The following IL16 variants were observed in gnomAD, a reference collection of about 807,000 sequenced individuals.
The protein encoded by IL16 is interleukin 16.
Under a neutral mutation model 110.1 loss-of-function variants are expected in IL16, and 67 were observed. That is an observed-to-expected ratio of 0.61 (90% CI 0.50 to 0.75). IL16 has a LOEUF of 0.75. Among genes scored for constraint, IL16 ranks in the 30% least tolerant of loss-of-function variants. The probability of loss-of-function intolerance (pLI) is 0.00; values close to 1 mark genes in which losing one functional copy is unlikely to be tolerated. For synonymous variants in IL16, 689 were observed against 662.9 expected, an observed-to-expected ratio of 1.04 and a Z score of -0.61; for missense variants, 1,545 against 1,655.0, an observed-to-expected ratio of 0.93 and a Z score of 1.15.
At chr15:81,284,483 G>A (rs1012594669) in intron 9 of IL16, among the ~76,000 whole-genome samples, 3 of 152,190 alleles carry the variant, frequency 2.0e-5, no homozygotes, top group African/African-American at 4.8e-5. Flanking sequence ...TAGTACCCTC[G>A]GACAGAGAGT....
chr15:81,223,616 G>A (rs1896691339), intron 1 of IL16, among the ~76,000 whole-genome samples: 1 of 152,158 alleles, frequency 6.6e-6, no homozygotes, highest in South Asian at 2.1e-4. Flanking sequence ...GATATTGATG[G>A]AGGCTACCAC....
At chr15:81,195,588 G>A (rs1450023263), upstream of IL16, among the ~76,000 whole-genome samples, 1 of 152,152 alleles carries the variant, frequency 6.6e-6, no homozygotes, top group African/African-American at 2.4e-5. Context: ...GGGACCGTGG[G>A]CCTGTGTTCT....
chr15:81,265,570 G>T, intron 3 of IL16, 89 bp from the exon 4 acceptor site: 1 of 1,435,930 alleles, frequency 7.0e-7, no homozygotes, highest in Admixed American at 1.9e-5. Flanking sequence ...ACTGGCCCCT[G>T]GCTAATGAGG....
intron 3 of IL16, among the ~76,000 whole-genome samples, chr15:81,261,410 TC>T (rs779209032): frequency 1.0e-3 from 159 of 152,236 alleles, no homozygotes; most frequent in Middle Eastern, 0.01. Context: ...TTGAGTTCAG[TC>T]AATGACAGGC....
chr15:81,270,162 A>C (rs1898567714), intron 5 of IL16, among the ~76,000 whole-genome samples: 1 of 152,244 alleles, frequency 6.6e-6, no homozygotes, highest in African/African-American at 2.4e-5. Context: ...TACCTCTCTC[A>C]AGATGATGAA....
chr15:81,301,547 T>C (rs745697398), intron 15 of IL16, 35 bp downstream of exon 15: 2 of 1,581,648 alleles, frequency 1.3e-6, no homozygotes, highest in Non-Finnish European at 8.6e-7. Flanking sequence ...CAGTAACCAA[T>C]GGCTTATTAT....
At chr15:81,236,413 G>C (rs1897177430) in intron 2 of IL16, among the ~76,000 whole-genome samples, 1 of 152,218 alleles carries the variant, frequency 6.6e-6, no homozygotes, top group South Asian at 2.1e-4. Flanking sequence ...TCCCCTGAGT[G>C]TGTGGGAGGA....
chr15:81,223,612 G>A (rs1456524891), intron 1 of IL16, among the ~76,000 whole-genome samples: 5 of 152,192 alleles, frequency 3.3e-5, no homozygotes, highest in Admixed American at 3.3e-4. Flanking sequence ...TGAGGATATT[G>A]ATGGAGGCTA....
intron 1 of IL16, among the ~76,000 whole-genome samples, chr15:81,221,151 G>A (rs1896602681): frequency 6.6e-6 from 1 of 152,146 alleles, no homozygotes. Context: ...TTGGGGAGGT[G>A]TGGGGAAGCC....
intron 12 of IL16, among the ~76,000 whole-genome samples, chr15:81,296,446 C>G (rs1308998145): frequency 2.0e-5 from 3 of 152,210 alleles, no homozygotes; most frequent in Non-Finnish European, 4.4e-5. Context: ...AGAACACTTA[C>G]TAAATATTTG....
Position 81,313,387 on chromosome 15 carries a change from T to G in IL16, c.*4589T>G. 1 of 1,555,898 alleles carries G rather than the reference T, an allele frequency of 6.4e-7. No homozygotes were observed. The highest frequency in any genetic ancestry group is 1.4e-5 in the African/African-American group (1 of 72,584). On this transcript the variant is annotated 3_prime_UTR_variant, in exon 19 of 19. Coordinates refer to ENST00000683961, the MANE Select transcript of IL16 (RefSeq NM_172217.5). ...TCGGTATGGAAGAATGTGACCAGGT[T>G]GGTCTTGGTGGGTTCCCTGTGAAGG... is the stretch of plus-strand genomic sequence containing the variant.
chr15:81,274,416 G>C (rs1898802728), intron 6 of IL16, among the ~76,000 whole-genome samples: 1 of 152,218 alleles, frequency 6.6e-6, no homozygotes, highest in African/African-American at 2.4e-5. Context: ...GTCATCCAGG[G>C]CTGCTTTCAT....
intron 2 of IL16, among the ~76,000 whole-genome samples, chr15:81,226,985 G>A (rs928271453): frequency 6.6e-6 from 1 of 152,120 alleles, no homozygotes; most frequent in Non-Finnish European, 1.5e-5. Flanking sequence ...TAATATCATA[G>A]GTATTTCCTG....
chr15:81,196,975 C>T lies in IL16; in HGVS notation c.-279C>T, dbSNP rs547050915. On this transcript the variant is annotated 5_prime_UTR_variant, in exon 1 of 19. Transcript: ENST00000683961. ...GGAGCCTGGGATCTGACTCAAAGGC[C>T]GGCCTCCGTCTGAGAACTGAGCGTC... 1.9e-4 allele frequency: 241 copies of T among 1,273,388 alleles called. No individual in the cohort carries two copies. Among genetic ancestry groups the T allele is most frequent in the African/African-American group, 1.4e-3 (90 of 65,160 alleles). 78.9% of individuals were successfully genotyped at this position (1,273,388 alleles called of 1,614,324 possible).
At chr15:81,294,764 A>C (rs1899904619) in intron 12 of IL16, among the ~76,000 whole-genome samples, 1 of 152,136 alleles carries the variant, frequency 6.6e-6, no homozygotes. Context: ...GGCACTGGAG[A>C]GGCGGGGGTC....
intron 12 of IL16, among the ~76,000 whole-genome samples, chr15:81,295,717 A>G (rs1899951837): frequency 6.6e-6 from 1 of 152,236 alleles, no homozygotes; most frequent in South Asian, 2.1e-4. Context: ...TCAGTTCTAC[A>G]GTAGGGAACT....
rs116656190 is a variant in IL16, at chr15:81,295,085, T to C, written c.1903-1843T>C. ...CAACAAAAAACTAACATCCCTCTTATAAAAAATCAGCCTAAACTCTCCCCC... is the reference window on the plus strand; with the variant it reads ...CAACAAAAAACTAACATCCCTCTTACAAAAAATCAGCCTAAACTCTCCCCC... On this transcript the variant is annotated intron_variant, in intron 12 of 18. Coordinates refer to ENST00000683961, the MANE Select transcript of IL16 (RefSeq NM_172217.5). 7.2e-3 allele frequency among the ~76,000 whole-genome samples: 1,089 copies of C among 152,228 alleles called. 10 individuals are homozygous for C. The highest frequency in any genetic ancestry group is 0.025 in the African/African-American group (1,023 of 41,536).
intron 2 of IL16, among the ~76,000 whole-genome samples, chr15:81,243,143 GTA>G (rs1275444035): frequency 0.014 from 664 of 47,220 alleles, 24 homozygotes; most frequent in African/African-American, 0.028. Context: ...AGCTATATAA[GTA>G]TATATATATA....
intron 2 of IL16, among the ~76,000 whole-genome samples, chr15:81,234,502 CAAAT>C (rs1255584182): frequency 1.3e-5 from 2 of 152,202 alleles, no homozygotes; most frequent in African/African-American, 4.8e-5. Flanking sequence ...TACTAGTTCT[CAAAT>C]AATGCTAAAA....
Sources: gnomAD v4.1 joint callset for allele counts (sites outside exome capture counted in the v4.1 genomes callset) on GRCh38, gnomAD v4.1.1 for gene constraint, MANE v1.5 for transcripts, NCBI Gene and HGNC (gene_info 2026-07-23, HGNC 2026-07-21) for gene names.